The following LHCGR variants were observed in gnomAD, a reference collection of about 807,000 sequenced individuals.
LHCGR encodes luteinizing hormone/choriogonadotropin receptor.
A neutral mutation model predicts 60.7 loss-of-function variants in LHCGR; 55 were observed. That is an observed-to-expected ratio of 0.91 (90% CI 0.73 to 1.13). The LOEUF is 1.13. Ranked by LOEUF, LHCGR falls within the 50% of genes most tolerant of loss-of-function variation. LHCGR has a pLI of 0.00. For synonymous variants in LHCGR, 337 were observed against 316.5 expected, an observed-to-expected ratio of 1.06 and a Z score of -0.69; for missense variants, 862 against 836.0, an observed-to-expected ratio of 1.03 and a Z score of -0.38.
chr2:48,718,159 G>T (rs902852435), intron 6 of LHCGR, among the ~76,000 whole-genome samples: 6 of 152,018 alleles, frequency 3.9e-5, no homozygotes, highest in African/African-American at 1.2e-4. Context: ...TTTACTTTGA[G>T]GATTTTGTCA....
chr2:48,702,850 G>A (rs1295553318), intron 8 of LHCGR, among the ~76,000 whole-genome samples: 1 of 152,212 alleles, frequency 6.6e-6, no homozygotes, highest in Non-Finnish European at 1.5e-5. Context: ...TCACCACACT[G>A]TCCTCCACAA....
intron 1 of LHCGR, among the ~76,000 whole-genome samples, chr2:48,732,449 C>A (rs1381216985): frequency 2.0e-5 from 3 of 152,202 alleles, no homozygotes; most frequent in Non-Finnish European, 4.4e-5. Flanking sequence ...GGACTTGCTA[C>A]AGTTGTAAGC....
intron 1 of LHCGR, among the ~76,000 whole-genome samples, chr2:48,747,449 T>A (rs555779645): frequency 6.6e-6 from 1 of 152,246 alleles, no homozygotes; most frequent in Non-Finnish European, 1.5e-5. Context: ...TACTAACTTA[T>A]CCCCTCTGGT....
chr2:48,710,856 G>A (rs372205243), intron 7 of LHCGR, among the ~76,000 whole-genome samples: 3 of 152,180 alleles, frequency 2.0e-5, no homozygotes, highest in Admixed American at 6.5e-5. Flanking sequence ...TGAATGTATC[G>A]TTTGAAAATT....
intron 6 of LHCGR, among the ~76,000 whole-genome samples, chr2:48,716,154 A>C (rs1033154613): frequency 6.6e-6 from 1 of 152,124 alleles, no homozygotes; most frequent in Non-Finnish European, 1.5e-5. Context: ...TTCTCAAGTT[A>C]CACCCCACAG....
chr2:48,733,426 A>C (rs1158308092), intron 1 of LHCGR, among the ~76,000 whole-genome samples: 4 of 152,214 alleles, frequency 2.6e-5, no homozygotes. Flanking sequence ...ACAGAAGTGC[A>C]AGAAGCTGTA....
chr2:48,736,854 T>G (rs1669224446), intron 1 of LHCGR, among the ~76,000 whole-genome samples: 1 of 152,368 alleles, frequency 6.6e-6, no homozygotes, highest in East Asian at 1.9e-4. Context: ...TTGCTTTAAA[T>G]AGCAAACTCC....
At chr2:48,733,763 TG>T (rs1294219285) in intron 1 of LHCGR, among the ~76,000 whole-genome samples, 2 of 151,964 alleles carry the variant, frequency 1.3e-5, no homozygotes, top group African/African-American at 2.4e-5. Context: ...CAGACTTATA[TG>T]TTTTTTTTTT....
intron 8 of LHCGR, among the ~76,000 whole-genome samples, chr2:48,705,742 C>A (rs756876106): frequency 1.3e-5 from 2 of 151,026 alleles, no homozygotes; most frequent in Non-Finnish European, 2.9e-5. Context: ...TTTCCCTTTG[C>A]TTGGTAGATC....
intron 1 of LHCGR, among the ~76,000 whole-genome samples, chr2:48,743,055 C>G (rs567987820): frequency 6.6e-6 from 1 of 152,246 alleles, no homozygotes; most frequent in African/African-American, 2.4e-5. Context: ...TCAGAGAATA[C>G]TACAAACACC....
chr2:48,729,303 T>A (rs920782468), intron 2 of LHCGR, 76 bp from the exon 3 acceptor site: 1 of 1,121,842 alleles, frequency 8.9e-7, no homozygotes, highest in Admixed American at 1.7e-5. Context: ...ATGAGCTATG[T>A]GTGTGACCCA....
intron 6 of LHCGR, chr2:48,720,919 A>G (rs1668468558): frequency 6.6e-6 from 1 of 152,216 alleles, no homozygotes; most frequent in African/African-American, 2.4e-5. Flanking sequence ...AGGGCTACAT[A>G]CATATTAGCT....
At position 48,688,431 on chromosome 2, in the gene LHCGR, T is replaced by A; in HGVS notation, c.1366A>T (p.Thr456Ser). The change falls in exon 11 of 11, where the codon ACC (threonine) becomes TCC (serine). Residue 456 changes from threonine to serine, a missense_variant. By Grantham distance (58) the Thr-to-Ser change is moderately conservative. Coordinates refer to ENST00000294954, the MANE Select transcript of LHCGR (RefSeq NM_000233.4). This position sits in a 1 kb window ranked among gnomAD's most constrained non-coding sequence, Gnocchi z 5.2. ...CTTTCTAGAGTGATGACGGTGAGGG[T>A]GTAGACAGAAAGTTCACTTGCGAAT... ...TVFASELSVY[T>S]LTVITLERWH... is the part of the protein sequence containing the mutation. The A allele has an allele frequency of 6.2e-7, 1 of 1,614,090 alleles. No homozygotes were observed. Among genetic ancestry groups the A allele is most frequent in the Non-Finnish European group, 8.5e-7 (1 of 1,180,004 alleles).
At chr2:48,720,057 G>A (rs929909706) in intron 6 of LHCGR, 1 of 152,196 alleles carries the variant, frequency 6.6e-6, no homozygotes, top group Non-Finnish European at 1.5e-5. Context: ...GGCTCTCTGG[G>A]AGAGACGGAG....
At chr2:48,746,252 G>C (rs55805219) in intron 1 of LHCGR, among the ~76,000 whole-genome samples, 2,729 of 152,270 alleles carry the variant, frequency 0.018, 30 homozygotes, top group Non-Finnish European at 0.028. Flanking sequence ...TCTTCTGTTT[G>C]TCATGGGTCA....
At chr2:48,691,959 A>T (rs1572812844) in intron 10 of LHCGR, among the ~76,000 whole-genome samples, 1 of 152,020 alleles carries the variant, frequency 6.6e-6, no homozygotes, top group East Asian at 1.9e-4. Context: ...TCTCTTGGGG[A>T]TAGTGACAGT....
intron 6 of LHCGR, among the ~76,000 whole-genome samples, chr2:48,717,833 C>CTTTTTTTTTTTTTTTTT (rs10711529): frequency 1.4e-5 from 1 of 68,976 alleles, no homozygotes; most frequent in Non-Finnish European, 2.7e-5. Context: ...TTTTCCATGT[C>CTTTTTTTTTTTTTTTTT]TTTTTTTTTT....
intron 1 of LHCGR, among the ~76,000 whole-genome samples, chr2:48,738,035 G>A (rs1015445718): frequency 2.0e-5 from 3 of 152,092 alleles, no homozygotes; most frequent in African/African-American, 4.8e-5. Context: ...GATGTTTGTC[G>A]ATACACTCTA....
intron 1 of LHCGR, among the ~76,000 whole-genome samples, chr2:48,742,925 A>G (rs1223176929): frequency 6.6e-6 from 1 of 152,236 alleles, no homozygotes; most frequent in African/African-American, 2.4e-5. Context: ...GAAAGGATCA[A>G]CAAAATTGAT....
Sources: allele counts gnomAD v4.1 joint callset (sites outside exome capture counted in the v4.1 genomes callset), GRCh38; gene constraint gnomAD v4.1.1; non-coding constraint Gnocchi (gnomAD v3.1); transcripts MANE v1.5; gene names NCBI Gene and HGNC (gene_info 2026-07-23, HGNC 2026-07-21).